PCDHGB6: variants seen among roughly 807,000 people sequenced by gnomAD.
PCDHGB6 encodes protocadherin gamma-B6.
In PCDHGB6, 51 loss-of-function variants were observed where a neutral mutation model predicts 59.1. The observed-to-expected ratio is 0.86, with a 90% CI of 0.69 to 1.09. PCDHGB6 has a LOEUF of 1.09. Among genes scored for constraint, PCDHGB6 ranks in the 50% least tolerant of loss-of-function variants. The pLI is 0.00. For synonymous variants in PCDHGB6, 466 were observed against 495.1 expected (o/e 0.94, Z 0.78); for missense variants, 1,148 against 1,205.1 (o/e 0.95, Z 0.70).
At chr5:141,475,071 C>T (rs1198043142) in intron 1 of PCDHGB6, among the ~76,000 whole-genome samples, 2 of 152,198 alleles carry the variant, frequency 1.3e-5, no homozygotes, top group Non-Finnish European at 2.9e-5. Context: ...AGCTTTGCTG[C>T]CATTATTTCA....
chr5:141,409,672 T>C lies in PCDHGB6; in HGVS notation c.1470T>C (p.Ser490=), dbSNP rs1411780634. 4 of 1,613,458 alleles carry C rather than the reference T, an allele frequency of 2.5e-6. No individual in the cohort carries two copies. The highest frequency in any genetic ancestry group is 2.5e-6 in the Non-Finnish European group (3 of 1,179,852). Residue 490 remains serine, a synonymous_variant, in exon 1 of 4, where the codon TCT becomes TCC. Coordinates refer to ENST00000520790, the MANE Select transcript of PCDHGB6 (RefSeq NM_018926.3). ...DLGLNGHISY[S]IVASDLEPLA... Reference sequence around the variant, plus strand: ...GGCTCAATGGCCACATCTCCTACTCTATAGTGGCGAGTGACCTAGAGCCCC... The same window carrying C: ...GGCTCAATGGCCACATCTCCTACTCCATAGTGGCGAGTGACCTAGAGCCCC...
Position 141,485,954 on chromosome 5 carries a change from C to T in PCDHGB6, c.2419-8853C>T, listed in dbSNP as rs2154580519. The T allele has an allele frequency of 6.2e-7, 1 of 1,614,190 alleles. No individual in the cohort carries two copies. The highest frequency in any genetic ancestry group is 8.5e-7 in the Non-Finnish European group (1 of 1,180,038). ...GGAGAGCGCACCAGCGGGCATGGTG[C>T]TCATCCAGCTCAATGCCTCAGACCC... On this transcript the variant is annotated intron_variant, in intron 1 of 3. Coordinates refer to ENST00000520790, the MANE Select transcript of PCDHGB6 (RefSeq NM_018926.3). The surrounding 1 kb of genome is among the most constrained non-coding windows in gnomAD (Gnocchi z 5.7).
rs768648952 is a variant in PCDHGB6, at chr5:141,477,230, G to T, written c.2419-17577G>T. 14 of 1,614,046 alleles carry T rather than the reference G, an allele frequency of 8.7e-6. No homozygotes were observed. The highest frequency in any genetic ancestry group is 4.0e-5 in the African/African-American group (3 of 74,916). On this transcript the variant is annotated intron_variant, in intron 1 of 3. Transcript: ENST00000520790. The surrounding 1 kb of genome is among the most constrained non-coding windows in gnomAD (Gnocchi z 4.9). Reference sequence around the variant, plus strand: ...GGATGCCCCTCTGGGGACTGTCATCGCTTTGCTCAGTGTGACTGACCTGGA... The same window carrying T: ...GGATGCCCCTCTGGGGACTGTCATCTCTTTGCTCAGTGTGACTGACCTGGA...
chr5:141,477,571 C>T lies in PCDHGB6; in HGVS notation c.2419-17236C>T, dbSNP rs1470454976. The T allele has an allele frequency of 8.1e-6, 13 of 1,614,160 alleles. No individual in the cohort carries two copies. Among genetic ancestry groups the T allele is most frequent in the Middle Eastern group, 1.7e-4 (1 of 6,060 alleles). ...TAAACCTAAGTGTCTGGGACCCCGACGCCCCGCAGAATGCTCGGCTTTCTT... is the reference window on the plus strand; with the variant it reads ...TAAACCTAAGTGTCTGGGACCCCGATGCCCCGCAGAATGCTCGGCTTTCTT... On this transcript the variant is annotated intron_variant, in intron 1 of 3. Transcript: ENST00000520790. This position sits in a 1 kb window ranked among gnomAD's most constrained non-coding sequence, Gnocchi z 4.9.
chr5:141,414,767 AGCTACAGAT>A, intron 1 of PCDHGB6: 2 of 1,614,190 alleles, frequency 1.2e-6, no homozygotes, highest in Middle Eastern at 1.6e-4. Flanking sequence ...CAGTTTCATG[AGCTACAGAT>A]GCAGGTGACA....
chr5:141,466,203 C>G (rs1291051063), intron 1 of PCDHGB6, among the ~76,000 whole-genome samples: 1 of 151,914 alleles, frequency 6.6e-6, no homozygotes, highest in Non-Finnish European at 1.5e-5. Context: ...CACAGCCTTG[C>G]TCTGTTACCC....
rs151293422 is a variant in PCDHGB6, at chr5:141,487,556, A to G, written c.2419-7251A>G. ...GATGGTGAAGTCACCCAGTGCACCT[A>G]TGGCAGGGGAGCCTGTTCGCCCAAG... On this transcript the variant is annotated intron_variant, in intron 1 of 3. Coordinates refer to ENST00000520790, the MANE Select transcript of PCDHGB6 (RefSeq NM_018926.3). This position sits in a 1 kb window ranked among gnomAD's most constrained non-coding sequence, Gnocchi z 5.0. 2,837 of 1,614,100 alleles carry G rather than the reference A, an allele frequency of 1.8e-3. 31 individuals are homozygous for G. The highest frequency in any genetic ancestry group is 1.2e-3 in the South Asian group (105 of 91,084).
At chr5:141,451,926 T>G (rs994841982) in intron 1 of PCDHGB6, among the ~76,000 whole-genome samples, 5 of 151,122 alleles carry the variant, frequency 3.3e-5, no homozygotes, top group Non-Finnish European at 7.4e-5. Context: ...GGAAGGGAGG[T>G]AGGGAGGCAG....
chr5:141,494,613 G>A (rs2099755672), intron 1 of PCDHGB6, among the ~76,000 whole-genome samples, 194 bp from the exon 2 acceptor site: 1 of 152,136 alleles, frequency 6.6e-6, no homozygotes, highest in Non-Finnish European at 1.5e-5. Context: ...TTATCTCTTG[G>A]TTTCTGGTAC....
At position 141,409,088 on chromosome 5, in the gene PCDHGB6, GAGAAAAC is replaced by G; in HGVS notation, c.889_895del (p.Lys297ValfsTer2). 1 of 1,614,044 alleles carries G rather than the reference GAGAAAAC, an allele frequency of 6.2e-7. No individual in the cohort carries two copies. The highest frequency in any genetic ancestry group is 8.5e-7 in the Non-Finnish European group (1 of 1,179,900). Reference sequence around the variant, plus strand: ...CACAAAACATATGTTCTCATTGGATGAGAAAACAGGTATGATTAAGAATAACCAGTCA... The same window carrying G: ...CACAAAACATATGTTCTCATTGGATGAGGTATGATTAAGAATAACCAGTCA... On this transcript the variant is annotated frameshift_variant, in exon 1 of 4. Coordinates refer to ENST00000520790, the MANE Select transcript of PCDHGB6 (RefSeq NM_018926.3). LOFTEE classifies it high-confidence loss of function.
At chr5:141,420,211 T>C (rs759486952) in intron 1 of PCDHGB6, 11 of 1,612,388 alleles carry the variant, frequency 6.8e-6, no homozygotes, top group African/African-American at 1.3e-5. Context: ...TCAACAAAGA[T>C]AGCATGCTAC....
intron 1 of PCDHGB6, chr5:141,413,736 G>C: frequency 6.2e-7 from 1 of 1,613,452 alleles, no homozygotes; most frequent in South Asian, 1.1e-5. Context: ...TAAGAGTTCA[G>C]AGCCGTGCCA....
At chr5:141,492,132 C>A (rs1289132641) in intron 1 of PCDHGB6, among the ~76,000 whole-genome samples, 3 of 152,220 alleles carry the variant, frequency 2.0e-5, no homozygotes, top group African/African-American at 4.8e-5. Context: ...CAGCTCCCAG[C>A]ATCTGTGACT....
At position 141,431,823 on chromosome 5, in the gene PCDHGB6, CG is replaced by C. The variant is rs754257436; in HGVS notation, c.2418+21205del. ...GTGGTCCTCACCTCTCTCGCCAGCTCGGTTCCCGAAAACTCTCCCAGAGGGA... is the reference window on the plus strand; with the variant it reads ...GTGGTCCTCACCTCTCTCGCCAGCTCGTTCCCGAAAACTCTCCCAGAGGGA... On this transcript the variant is annotated intron_variant, in intron 1 of 3. Transcript: ENST00000520790. The surrounding 1 kb of genome is among the most constrained non-coding windows in gnomAD (Gnocchi z 4.8). 2.5e-6 allele frequency: 4 copies of C among 1,614,142 alleles called. No homozygotes were observed. In the East Asian group the frequency reaches 8.9e-5, roughly 36 times the overall value.
At chr5:141,419,753 T>C (rs764151937) in intron 1 of PCDHGB6, 10 of 1,613,856 alleles carry the variant, frequency 6.2e-6, no homozygotes, top group South Asian at 2.2e-5. Context: ...GGTGCGTGCT[T>C]TGGGTGACAA....
At chr5:141,494,770 C>A (rs767006872) in intron 1 of PCDHGB6, 37 bp from the exon 2 acceptor site, 14 of 1,613,904 alleles carry the variant, frequency 8.7e-6, no homozygotes, top group Non-Finnish European at 1.1e-5. Flanking sequence ...TAACTTCTCA[C>A]GGGTACTCAG....
intron 1 of PCDHGB6, chr5:141,429,169 T>TACAC (rs10667977): frequency 0.077 from 11,199 of 145,388 alleles, 458 homozygotes; most frequent in African/African-American, 0.081. Flanking sequence ...ACATTGTTTA[T>TACAC]ACACACACAC....
rs561392729 is a variant in PCDHGB6, at chr5:141,475,706, G to T, written c.2419-19101G>T. On this transcript the variant is annotated intron_variant, in intron 1 of 3. Transcript: ENST00000520790. ...GGATTGGAGACTTGCAGAACGGCTA[G>T]CCTCACAGCCCCAAGGCTGGCTTTC... Among the ~76,000 whole-genome samples the T allele has an allele frequency of 7.2e-5, 11 of 152,364 alleles. 1 individual carries two copies. In the South Asian group the frequency reaches 2.3e-3, roughly 32 times the overall value.
intron 1 of PCDHGB6, chr5:141,421,165 T>C: frequency 7.7e-7 from 1 of 1,297,018 alleles, no homozygotes; most frequent in Non-Finnish European, 1.0e-6. Flanking sequence ...ACTTCATAGA[T>C]ACATAAGCCG....
Sources: allele counts gnomAD v4.1 joint callset (sites outside exome capture counted in the v4.1 genomes callset), GRCh38; gene constraint gnomAD v4.1.1; non-coding constraint Gnocchi (gnomAD v3.1); transcripts MANE v1.5; gene names NCBI Gene and HGNC (gene_info 2026-07-23, HGNC 2026-07-21).